CDH13: variants seen among roughly 807,000 people sequenced by gnomAD.
CDH13 encodes cadherin 13, also known as cadherin-13.
A neutral mutation model predicts 63.8 loss-of-function variants in CDH13; 24 were observed. The observed-to-expected ratio is 0.38, with a 90% CI of 0.27 to 0.53. The LOEUF (loss-of-function observed/expected upper bound fraction) is 0.53. Ranked by LOEUF, CDH13 falls within the 20% of genes least tolerant of loss-of-function variation. The pLI is 0.85. For synonymous variants in CDH13, 503 were observed against 355.3 expected, an observed-to-expected ratio of 1.42 and a Z score of -4.67; for missense variants, 1,049 against 903.1, an observed-to-expected ratio of 1.16 and a Z score of -2.07.
In CDH13 at chr16:83,438,621, AT is replaced by A. The variant is rs1439063396; in HGVS notation, c.782-47855del. ...AGGAGACATTATTTAAAAAGCAATAATACAAAATACCAAGAGCTATTCAGCT... is the reference window on the plus strand; with the variant it reads ...AGGAGACATTATTTAAAAAGCAATAAACAAAATACCAAGAGCTATTCAGCT... On this transcript the variant is annotated intron_variant, in intron 6 of 13. Coordinates refer to ENST00000567109, the MANE Select transcript of CDH13 (RefSeq NM_001257.5). 3.9e-5 allele frequency among the ~76,000 whole-genome samples: 6 copies of A among 152,330 alleles called. No homozygotes were observed. In the East Asian group the frequency reaches 1.2e-3, roughly 29 times the overall value.
chr16:83,005,720 C>T (rs1241941257), intron 2 of CDH13, among the ~76,000 whole-genome samples: 1 of 152,230 alleles, frequency 6.6e-6, no homozygotes, highest in Admixed American at 6.5e-5. Flanking sequence ...TCTCTGACTC[C>T]AACAAGAGAG....
chr16:82,979,918 G>C (rs1354420442), intron 2 of CDH13, among the ~76,000 whole-genome samples: 1 of 152,088 alleles, frequency 6.6e-6, no homozygotes, highest in Non-Finnish European at 1.5e-5. Flanking sequence ...GCATTGTTTG[G>C]GGCCACTTCC....
At chr16:82,784,022 G>A (rs1000116702) in intron 1 of CDH13, among the ~76,000 whole-genome samples, 1 of 152,084 alleles carries the variant, frequency 6.6e-6, no homozygotes, top group African/African-American at 2.4e-5. Context: ...GTGTGTGGCT[G>A]GGCAATTATC....
intron 8 of CDH13, among the ~76,000 whole-genome samples, chr16:83,668,900 G>A (rs981697590): frequency 3.3e-5 from 5 of 152,200 alleles, no homozygotes; most frequent in Non-Finnish European, 7.3e-5. Context: ...GAGCCCAGAT[G>A]TACTGCAGGC....
chr16:83,453,610 G>GTCTA (rs1372455475), intron 6 of CDH13, among the ~76,000 whole-genome samples: 1 of 152,140 alleles, frequency 6.6e-6, no homozygotes, highest in Non-Finnish European at 1.5e-5. Flanking sequence ...GGGGAATTGA[G>GTCTA]TCTATCTGTG....
chr16:83,070,877 A>G (rs927281924), intron 3 of CDH13, among the ~76,000 whole-genome samples: 7 of 134,350 alleles, frequency 5.2e-5, no homozygotes, highest in African/African-American at 8.1e-5. Context: ...CCAAATATCA[A>G]TGACCTAAAC....
intron 7 of CDH13, among the ~76,000 whole-genome samples, chr16:83,553,579 T>C (rs967323235): frequency 6.6e-6 from 1 of 152,208 alleles, no homozygotes; most frequent in East Asian, 1.9e-4. Context: ...TTTTCTCAGA[T>C]GGAGTATCGC....
chr16:83,507,343 G>T (rs2151596521), intron 7 of CDH13, among the ~76,000 whole-genome samples: 1 of 152,334 alleles, frequency 6.6e-6, no homozygotes, highest in Admixed American at 6.5e-5. Flanking sequence ...AGGCTCAGAA[G>T]ATGGCTGAAT....
chr16:83,131,274 T>C (rs980741049), intron 4 of CDH13, among the ~76,000 whole-genome samples: 2 of 145,014 alleles, frequency 1.4e-5, no homozygotes, highest in East Asian at 4.2e-4. Context: ...GCCTCCTAAT[T>C]TCTGGCTCTT....
chr16:83,679,414 T>C (rs1296595609), intron 10 of CDH13, among the ~76,000 whole-genome samples: 1 of 152,226 alleles, frequency 6.6e-6, no homozygotes, highest in South Asian at 2.1e-4. Flanking sequence ...ATGTGTCTGA[T>C]TTTCCTGATT....
intron 2 of CDH13, among the ~76,000 whole-genome samples, chr16:82,940,967 C>G (rs1904279958): frequency 6.6e-6 from 1 of 152,104 alleles, no homozygotes; most frequent in African/African-American, 2.4e-5. Flanking sequence ...CAACTCATCC[C>G]CAAATGGAGA....
chr16:82,795,402 C>T (rs188359168), intron 1 of CDH13, among the ~76,000 whole-genome samples: 2 of 152,170 alleles, frequency 1.3e-5, no homozygotes, highest in African/African-American at 2.4e-5. Flanking sequence ...AAAAGGCAGT[C>T]AGCCAATGCA....
At chr16:83,584,940 AG>A (rs986446619) in intron 7 of CDH13, among the ~76,000 whole-genome samples, 2 of 152,176 alleles carry the variant, frequency 1.3e-5, no homozygotes, top group African/African-American at 4.8e-5. Flanking sequence ...ACCAGGTCTT[AG>A]GAGAACTCAC....
intron 6 of CDH13, among the ~76,000 whole-genome samples, chr16:83,421,381 C>T (rs1479242761): frequency 6.6e-6 from 1 of 152,128 alleles, no homozygotes; most frequent in Non-Finnish European, 1.5e-5. Context: ...AGTGTTTCAG[C>T]AGTGTTTCAG....
chr16:83,272,518 C>T (rs2088856152), intron 5 of CDH13, among the ~76,000 whole-genome samples: 1 of 152,138 alleles, frequency 6.6e-6, no homozygotes, highest in African/African-American at 2.4e-5. Context: ...GAAAAATATT[C>T]CATTTATGGA....
chr16:83,685,051 A>G (rs1312175912), intron 10 of CDH13, among the ~76,000 whole-genome samples: 1 of 152,172 alleles, frequency 6.6e-6, no homozygotes, highest in Non-Finnish European at 1.5e-5. Flanking sequence ...CAACCTTCAT[A>G]TCTGCATTCC....
intron 10 of CDH13, chr16:83,721,190 T>TA (rs1909648163): frequency 6.6e-6 from 1 of 152,228 alleles, no homozygotes; most frequent in Admixed American, 6.5e-5. Context: ...TCACCACCAG[T>TA]AGCCATCCAG....
chr16:82,709,093 C>A (rs1242872295), intron 1 of CDH13, among the ~76,000 whole-genome samples: 2 of 152,080 alleles, frequency 1.3e-5, no homozygotes, highest in East Asian at 3.9e-4. Flanking sequence ...TCTTTCACTG[C>A]AGTAGATACA....
At chr16:83,350,095 A>C (rs79803275) in intron 6 of CDH13, among the ~76,000 whole-genome samples, 3,700 of 152,250 alleles carry the variant, frequency 0.024, 51 homozygotes, top group East Asian at 0.054. Flanking sequence ...GGGGGCTTTA[A>C]TTTCCAGGCA....
Sources: allele counts gnomAD v4.1 joint callset (sites outside exome capture counted in the v4.1 genomes callset), GRCh38; gene constraint gnomAD v4.1.1; transcripts MANE v1.5; gene names NCBI Gene and HGNC (gene_info 2026-07-23, HGNC 2026-07-21).